UTRN: variants seen among roughly 807,000 people sequenced by gnomAD.
UTRN encodes the protein dystrophin-related protein 1.
A neutral mutation model predicts 463.9 loss-of-function variants in UTRN; 283 were observed. That is an observed-to-expected ratio of 0.61 (90% CI 0.55 to 0.67). The LOEUF is 0.67. Ranked by LOEUF, UTRN falls within the 30% of genes least tolerant of loss-of-function variation. UTRN has a pLI of 0.00. For synonymous variants in UTRN, 1,442 were observed against 1,431.5 expected, an observed-to-expected ratio of 1.01 and a Z score of -0.17; for missense variants, 3,922 against 4,084.3, an observed-to-expected ratio of 0.96 and a Z score of 1.08.
At chr6:144,702,159 A>T (rs1210721968) in intron 53 of UTRN, among the ~76,000 whole-genome samples, 5 of 152,200 alleles carry the variant, frequency 3.3e-5, no homozygotes, top group Admixed American at 1.3e-4. Flanking sequence ...AATAGTGTTT[A>T]CCGAAATCCA....
intron 2 of UTRN, among the ~76,000 whole-genome samples, chr6:144,314,216 G>GA (rs796314658): frequency 4.0e-5 from 6 of 149,878 alleles, no homozygotes; most frequent in Non-Finnish European, 4.5e-5. Flanking sequence ...TGAAAATCTA[G>GA]AAAAAAAAAA....
chr6:144,561,248 T>C lies in UTRN; in HGVS notation c.7289+3937T>C, dbSNP rs1410694312. Among the ~76,000 whole-genome samples the C allele has an allele frequency of 8.2e-3, 539 of 65,528 alleles. 28 individuals are homozygous for C. The highest frequency in any genetic ancestry group is 0.028 in the African/African-American group (479 of 17,222). The allele number at this position is 65,528 out of a possible 152,430, so 43.0% of individuals were successfully genotyped here. Reference sequence around the variant, plus strand: ...ATATATATATATATATATATATATATATATATATATATACATACACACACA... The same window carrying C: ...ATATATATATATATATATATATATACATATATATATATACATACACACACA... On this transcript the variant is annotated intron_variant, in intron 50 of 74. Coordinates refer to ENST00000367545, the MANE Select transcript of UTRN (RefSeq NM_007124.3).
chr6:144,562,407 A>G (rs1800015246), intron 50 of UTRN, among the ~76,000 whole-genome samples: 1 of 151,980 alleles, frequency 6.6e-6, no homozygotes, highest in African/African-American at 2.4e-5. Flanking sequence ...CCCTGGGTCC[A>G]TGTGTTCTCA....
intron 2 of UTRN, 25 bp downstream of exon 2, chr6:144,291,932 CT>C (rs781425512): frequency 1.3e-5 from 21 of 1,592,766 alleles, no homozygotes; most frequent in Non-Finnish European, 1.6e-5. Context: ...CTCAAGAAAG[CT>C]ATGGATTTTT....
chr6:144,410,064 G>T (rs1783750543), intron 3 of UTRN, among the ~76,000 whole-genome samples: 1 of 152,078 alleles, frequency 6.6e-6, no homozygotes, highest in Admixed American at 6.6e-5. Context: ...GTTTAACTTA[G>T]CTTGAAAAAC....
intron 52 of UTRN, among the ~76,000 whole-genome samples, chr6:144,679,207 A>G (rs1019342741): frequency 6.6e-6 from 1 of 152,104 alleles, no homozygotes; most frequent in Non-Finnish European, 1.5e-5. Flanking sequence ...ATAAGGATGA[A>G]CCTTAGGACC....
intron 2 of UTRN, among the ~76,000 whole-genome samples, chr6:144,375,004 C>A (rs970622797): frequency 2.0e-5 from 3 of 151,506 alleles, no homozygotes; most frequent in Admixed American, 6.6e-5. Flanking sequence ...TGGAATTCCT[C>A]AATCTTGATG....
chr6:144,819,895 TCCTCCTCCTCCTCCTC>T, intron 65 of UTRN, among the ~76,000 whole-genome samples: 1 of 106,252 alleles, frequency 9.4e-6, no homozygotes, highest in East Asian at 4.2e-4. Flanking sequence ...CTCCTCCTCC[TCCTCCTCCTCCTCCTC>T]CTCTCTCTCT....
At chr6:144,526,952 T>C (rs762972270) in intron 41 of UTRN, among the ~76,000 whole-genome samples, 1 of 151,920 alleles carries the variant, frequency 6.6e-6, no homozygotes, top group African/African-American at 2.4e-5. Context: ...CCCACCACCA[T>C]GCCTGGCTAA....
intron 54 of UTRN, among the ~76,000 whole-genome samples, chr6:144,734,673 G>A (rs903481826): frequency 6.6e-5 from 10 of 152,104 alleles, no homozygotes; most frequent in Admixed American, 3.9e-4. Context: ...TTATCACCAC[G>A]TCTACTATGC....
At chr6:144,446,426 T>C (rs1740769996) in intron 14 of UTRN, among the ~76,000 whole-genome samples, 1 of 152,252 alleles carries the variant, frequency 6.6e-6, no homozygotes, top group African/African-American at 2.4e-5. Context: ...ATAAAATTGC[T>C]GAGAAAGAAT....
chr6:144,291,108 G>A (rs1804205359), intron 1 of UTRN, among the ~76,000 whole-genome samples: 1 of 152,052 alleles, frequency 6.6e-6, no homozygotes, highest in Admixed American at 6.6e-5. Flanking sequence ...ATTTGACCAT[G>A]TTGGTTCCCT....
chr6:144,296,453 G>A (rs1378513315), intron 2 of UTRN, among the ~76,000 whole-genome samples: 2 of 152,226 alleles, frequency 1.3e-5, no homozygotes, highest in African/African-American at 2.4e-5. Context: ...GCTGGGGACT[G>A]CTGCACTTTA....
chr6:144,667,545 G>A lies in UTRN; in HGVS notation c.7480-10861G>A, dbSNP rs115301022. Among the ~76,000 whole-genome samples the A allele has an allele frequency of 5.2e-3, 799 of 152,244 alleles. 10 individuals are homozygous for A. The highest frequency in any genetic ancestry group is 0.018 in the African/African-American group (743 of 41,532). On this transcript the variant is annotated intron_variant, in intron 51 of 74. Coordinates refer to ENST00000367545, the MANE Select transcript of UTRN (RefSeq NM_007124.3). Reference sequence around the variant, plus strand: ...AGAGCAAAGAGGTGCCTTGCTTGTCGTGTCATTGAGCTTCCTGAGAAAGAT... The same window carrying A: ...AGAGCAAAGAGGTGCCTTGCTTGTCATGTCATTGAGCTTCCTGAGAAAGAT...
rs1175505029 is a variant in UTRN, at chr6:144,835,885, G to A, written c.9771G>A (p.Arg3257=). The part of the protein sequence containing the change: ...SPAQILKSVE[R]EERGELERII... ...CTCAGATCCTGAAGTCAGTAGAGAG[G>A]GAAGAACGTGGAGAACTGGAGAGGA... The change falls in exon 70 of 75, where the codon AGG becomes AGA. Residue 3257 remains arginine, a synonymous_variant. Transcript: ENST00000367545. 8 of 1,614,128 alleles carry A rather than the reference G, an allele frequency of 5.0e-6. No homozygotes were observed. In the Admixed American group the frequency reaches 1.3e-4, roughly 27 times the overall value.
intron 53 of UTRN, among the ~76,000 whole-genome samples, chr6:144,702,002 T>A (rs1784641750): frequency 6.6e-6 from 1 of 152,228 alleles, no homozygotes; most frequent in Non-Finnish European, 1.5e-5. Context: ...TATTCTCTCC[T>A]AACTTTTTCT....
chr6:144,605,241 G>C (rs541064597), intron 51 of UTRN, among the ~76,000 whole-genome samples: 12 of 151,924 alleles, frequency 7.9e-5, no homozygotes, highest in African/African-American at 2.9e-4. Context: ...AAAACAGCAC[G>C]GTACAAAATT....
chr6:144,410,679 G>A (rs1783812135), intron 3 of UTRN, among the ~76,000 whole-genome samples: 1 of 151,890 alleles, frequency 6.6e-6, no homozygotes, highest in Non-Finnish European at 1.5e-5. Flanking sequence ...ATGATGTTTG[G>A]TTGCCCATTC....
chr6:144,821,434 A>G, intron 66 of UTRN, among the ~76,000 whole-genome samples: 1 of 152,128 alleles, frequency 6.6e-6, no homozygotes, highest in East Asian at 1.9e-4. Context: ...TCTTTAATAT[A>G]AATTTATTAA....
Sources: allele counts gnomAD v4.1 joint callset (sites outside exome capture counted in the v4.1 genomes callset), GRCh38; gene constraint gnomAD v4.1.1; transcripts MANE v1.5; gene names NCBI Gene and HGNC (gene_info 2026-07-23, HGNC 2026-07-21).